PBLD: variants seen among roughly 807,000 people sequenced by gnomAD.
The protein encoded by PBLD is phenazine biosynthesis like protein domain containing.
Under a neutral mutation model 31.3 loss-of-function variants are expected in PBLD, and 26 were observed. The ratio of observed to expected loss-of-function variants is 0.83; its 90% CI spans 0.61 to 1.15. The LOEUF (loss-of-function observed/expected upper bound fraction) is 1.15. Among genes scored for constraint, PBLD ranks in the 50% most tolerant of loss-of-function variants. PBLD has a pLI of 0.00. For synonymous variants in PBLD, 114 were observed against 129.0 expected, an observed-to-expected ratio of 0.88 and a Z score of 0.79; for missense variants, 307 against 351.7, an observed-to-expected ratio of 0.87 and a Z score of 1.02.
At chr10:68,297,439 G>T (rs2044445016) in intron 2 of PBLD, among the ~76,000 whole-genome samples, 1 of 152,152 alleles carries the variant, frequency 6.6e-6, no homozygotes, top group Non-Finnish European at 1.5e-5. Context: ...CAGGCCAGGG[G>T]TCACCTCCTC....
At chr10:68,302,755 A>G (rs1355508050) in intron 2 of PBLD, among the ~76,000 whole-genome samples, 3 of 151,666 alleles carry the variant, frequency 2.0e-5, no homozygotes, top group Non-Finnish European at 4.4e-5. Context: ...GCAGGCGGAT[A>G]GCTTGAGCCC....
intron 1 of PBLD, among the ~76,000 whole-genome samples, chr10:68,324,604 CTTTATTTA>C (rs201038659): frequency 3.8e-4 from 56 of 148,526 alleles, no homozygotes; most frequent in Admixed American, 1.0e-3. Flanking sequence ...ACCCTCCACA[CTTTATTTA>C]TTTATTTATT....
intron 1 of PBLD, among the ~76,000 whole-genome samples, chr10:68,329,227 G>C (rs1328390455): frequency 1.3e-5 from 2 of 152,128 alleles, no homozygotes; most frequent in Non-Finnish European, 2.9e-5. Flanking sequence ...ATAATAAAAA[G>C]GCAAAAGGAA....
chr10:68,329,258 C>T (rs113679866), intron 1 of PBLD, among the ~76,000 whole-genome samples: 1,820 of 152,278 alleles, frequency 0.012, 11 homozygotes, highest in Middle Eastern at 0.031. Context: ...AATTTCAAGT[C>T]CTTCCTGAGT....
chr10:68,328,900 C>T (rs761911788), intron 1 of PBLD, among the ~76,000 whole-genome samples: 8 of 152,034 alleles, frequency 5.3e-5, no homozygotes, highest in Non-Finnish European at 1.0e-4. Context: ...TGTTTTGAGA[C>T]GGAGTCTCGT....
chr10:68,327,736 C>T (rs1450001978), intron 1 of PBLD, among the ~76,000 whole-genome samples: 2 of 149,846 alleles, frequency 1.3e-5, no homozygotes, highest in South Asian at 2.1e-4. Flanking sequence ...ATTATCAATG[C>T]TGTATTTTCA....
rs1338241128 is a variant in PBLD at position 68,284,303 on chromosome 10, A to G, written c.755-14T>C. The G allele has an allele frequency of 1.9e-6, 3 of 1,596,538 alleles. No homozygotes were observed. Among genetic ancestry groups the G allele is most frequent in the Non-Finnish European group, 2.6e-6 (3 of 1,164,620 alleles). On this transcript the variant is annotated splice_polypyrimidine_tract_variant and intron_variant, in intron 9 of 9. Transcript: ENST00000358769. Reference sequence around the variant, plus strand: ...AACACTGAAAAGCTAAAGAAAACAAACAGGTCAAATTAAGAGTATTTTCAC... The same window carrying G: ...AACACTGAAAAGCTAAAGAAAACAAGCAGGTCAAATTAAGAGTATTTTCAC...
At chr10:68,296,080 T>C (rs2044422878) in intron 4 of PBLD, 186 bp downstream of exon 4, 2 of 448,730 alleles carry the variant, frequency 4.5e-6, no homozygotes, top group Admixed American at 7.6e-5. Context: ...GCTGGGCACA[T>C]ACTCAGAAAG....
chr10:68,332,442 G>A lies in PBLD; in HGVS notation c.-60+342C>T, dbSNP rs1483528732. On this transcript the variant is annotated intron_variant, in intron 1 of 9. Coordinates refer to ENST00000358769, the MANE Select transcript of PBLD (RefSeq NM_022129.4). The stretch of plus-strand genomic sequence containing the variant: ...CAGGTGGAATTCAGTGGACGACGCC[G>A]AGGCCCGAAGTAGGGGACATCCAGC... 2.0e-5 allele frequency among the ~76,000 whole-genome samples: 3 copies of A among 152,228 alleles called. No homozygotes were observed. In the East Asian group the frequency reaches 5.8e-4, roughly 29 times the overall value.
chr10:68,288,400 G>T, intron 8 of PBLD, 83 bp downstream of exon 8: 1 of 1,470,226 alleles, frequency 6.8e-7, no homozygotes. Context: ...CACCTGAAAG[G>T]TCACAGGAAG....
At chr10:68,313,621 A>G (rs1043557831) in intron 1 of PBLD, among the ~76,000 whole-genome samples, 1 of 152,216 alleles carries the variant, frequency 6.6e-6, no homozygotes, top group African/African-American at 2.4e-5. Context: ...TAGGATTCTC[A>G]TATTATCATC....
chr10:68,319,111 G>GAAAGAGAAAGAAAGAAA (rs1554860577), intron 1 of PBLD, among the ~76,000 whole-genome samples: 1 of 115,514 alleles, frequency 8.7e-6, no homozygotes, highest in African/African-American at 3.2e-5. Flanking sequence ...AAGAAAGAAA[G>GAAAGAGAAAGAAAGAAA]GAAAAAGAAA....
At chr10:68,319,395 CT>C (rs1564737684) in intron 1 of PBLD, among the ~76,000 whole-genome samples, 2 of 152,080 alleles carry the variant, frequency 1.3e-5, no homozygotes, top group African/African-American at 4.8e-5. Context: ...AAAAAGTAAT[CT>C]AACTTGCTGG....
intron 1 of PBLD, 29 bp downstream of exon 1, chr10:68,332,755 C>T (rs917460338): frequency 3.3e-5 from 5 of 152,298 alleles, no homozygotes; most frequent in African/African-American, 7.2e-5. Flanking sequence ...ACCGCGGCCT[C>T]CCTTCCTCCG....
At position 68,310,370 on chromosome 10, in the gene PBLD, T is replaced by TATA. The variant is rs1266119564; in HGVS notation, c.-59-3470_-59-3468dup. On this transcript the variant is annotated intron_variant, in intron 1 of 9. Transcript: ENST00000358769. Reference sequence around the variant, plus strand: ...GTACAATATAATGTTTTGAAGTATATATATATATATATATACACATTGTGA... The same window carrying TATA: ...GTACAATATAATGTTTTGAAGTATATATAATATATATATATATACACATTGTGA... Among the ~76,000 whole-genome samples, 4 of 145,730 alleles carry TATA rather than the reference T, an allele frequency of 2.7e-5. No individual in the cohort carries two copies. In the South Asian group the frequency reaches 8.6e-4, roughly 31 times the overall value.
At chr10:68,324,438 G>A (rs1004444366) in intron 1 of PBLD, among the ~76,000 whole-genome samples, 4 of 152,006 alleles carry the variant, frequency 2.6e-5, no homozygotes, top group African/African-American at 9.7e-5. Flanking sequence ...GCCTCCCAAA[G>A]TGCTGAGATT....
rs1292316650 is a variant in PBLD, at chr10:68,282,851, A to G, written c.*1326T>C. 6 of 152,216 alleles carry G rather than the reference A, an allele frequency of 3.9e-5. No homozygotes were observed. The highest frequency in any genetic ancestry group is 1.3e-4 in the Admixed American group (2 of 15,262). The allele number at this position is 152,216 out of a possible 1,614,324, so 9.4% of individuals were successfully genotyped here. A position where few individuals can be genotyped will look rare whatever the true frequency, so the allele number is the denominator to read the frequency against. On this transcript the variant is annotated 3_prime_UTR_variant, in exon 10 of 10. Transcript: ENST00000358769. ...GTTTTTGAGACGGCTGAGAACTACC[A>G]TCAATGAGATCACCTTAAACAAACA...
At position 68,288,631 on chromosome 10, in the gene PBLD, C is replaced by T. The variant is rs1348107700; in HGVS notation, c.543G>A (p.Thr181=). 6 of 1,613,972 alleles carry T rather than the reference C, an allele frequency of 3.7e-6. No homozygotes were observed. The highest frequency in any genetic ancestry group is 1.7e-5 in the Admixed American group (1 of 59,984). The change falls in exon 8 of 10, where the codon ACG becomes ACA. Residue 181 remains threonine (T), a synonymous_variant. Coordinates refer to ENST00000358769, the MANE Select transcript of PBLD (RefSeq NM_022129.4). The stretch of plus-strand genomic sequence containing the variant: ...TGTTTTCAACTTGCAGCAGATTCTC[C>T]GTGTTCACTTTCAGGTTCTCCAGAA... The part of the protein sequence containing the change: ...RSFLENLKVN[T]ENLLQVENTG...
chr10:68,331,395 G>A (rs1488768349), intron 1 of PBLD: 5 of 152,270 alleles, frequency 3.3e-5, no homozygotes, highest in African/African-American at 1.2e-4. Flanking sequence ...GATTTGCAGA[G>A]AGAACGGTAA....
Sources: gnomAD v4.1 joint callset for allele counts (sites outside exome capture counted in the v4.1 genomes callset) on GRCh38, gnomAD v4.1.1 for gene constraint, MANE v1.5 for transcripts, NCBI Gene and HGNC (gene_info 2026-07-23, HGNC 2026-07-21) for gene names.